The following ERGIC3 variants were observed in gnomAD, a reference collection of about 807,000 sequenced individuals.
ERGIC3 encodes ERGIC and golgi 3, also known as endoplasmic reticulum-Golgi intermediate compartment protein 3.
ERGIC3 carries 33 observed loss-of-function variants against 54.7 expected under a neutral mutation model. That is an observed-to-expected ratio of 0.60 (90% confidence interval 0.46 to 0.81). The LOEUF (loss-of-function observed/expected upper bound fraction) is 0.81, where lower values mean the gene tolerates loss of function less well. Ranked by LOEUF, ERGIC3 falls within the 30% of genes least tolerant of loss-of-function variation. ERGIC3 has a pLI of 0.00. For missense variants in ERGIC3, 399 were observed against 488.4 expected (o/e 0.82, Z 1.73); for synonymous variants, 186 against 189.8 (o/e 0.98, Z 0.16).
chr20:35,549,609 G>C (rs2064670750), intron 7 of ERGIC3: 1 of 170,000 alleles, frequency 5.9e-6, no homozygotes. Flanking sequence ...TTCATGATGG[G>C]TATTACATGC....
intron 7 of ERGIC3, among the ~76,000 whole-genome samples, chr20:35,552,913 C>T (rs2064688813): frequency 6.6e-6 from 1 of 151,096 alleles, no homozygotes; most frequent in Admixed American, 6.6e-5. Context: ...AGGCAGTTGC[C>T]CAAGCTGTTG....
At chr20:35,547,261 A>G in intron 4 of ERGIC3, 151 bp from the exon 5 acceptor site, 3 of 620,100 alleles carry the variant, frequency 4.8e-6, no homozygotes, top group Non-Finnish European at 8.8e-6. Context: ...TGTGTGTAGA[A>G]GTGCTTAATG....
At chr20:35,545,500 G>A (rs2064643955) in intron 4 of ERGIC3, 1 of 152,262 alleles carries the variant, frequency 6.6e-6, no homozygotes, top group Non-Finnish European at 1.5e-5. Context: ...CAGAGAGGCA[G>A]AGGTTGCAGT....
rs1568867752 is a variant in ERGIC3 at position 35,542,497 on chromosome 20, G to A, written c.160-16G>A. ...GAGGTTTGGGGCTAAGTCTTACTGA[G>A]GTAGCGCTGCCCCAGGTGCATCCTG... On this transcript the variant is annotated splice_polypyrimidine_tract_variant and intron_variant, in intron 2 of 12. Transcript: ENST00000348547. 6.2e-7 allele frequency: 1 copy of A among 1,613,986 alleles called. No homozygotes were observed. Among genetic ancestry groups the A allele is most frequent in the Non-Finnish European group, 8.5e-7 (1 of 1,179,996 alleles).
intron 7 of ERGIC3, among the ~76,000 whole-genome samples, chr20:35,554,626 T>C (rs1298736947): frequency 6.6e-6 from 1 of 152,204 alleles, no homozygotes; most frequent in African/African-American, 2.4e-5. Context: ...ATGGGATTTC[T>C]TCTGGGGAGC....
intron 7 of ERGIC3, among the ~76,000 whole-genome samples, chr20:35,553,020 A>AGTTTTTTTTTT (rs2064689668): frequency 2.4e-5 from 1 of 41,552 alleles, no homozygotes; most frequent in Non-Finnish European, 4.4e-5. Context: ...AAAGCTGGGG[A>AGTTTTTTTTTT]TTTTTTTTTT....
chr20:35,553,686 G>A (rs2064695187), intron 7 of ERGIC3, among the ~76,000 whole-genome samples: 1 of 152,146 alleles, frequency 6.6e-6, no homozygotes, highest in African/African-American at 2.4e-5. Context: ...GGGGGCTGGA[G>A]GACCCTGCAG....
chr20:35,553,913 G>A (rs1473921983), intron 7 of ERGIC3, among the ~76,000 whole-genome samples: 1 of 152,230 alleles, frequency 6.6e-6, no homozygotes, highest in Non-Finnish European at 1.5e-5. Context: ...AAATGCAAAG[G>A]TACAGTTGCC....
chr20:35,549,143 T>C, intron 7 of ERGIC3: 1 of 332,890 alleles, frequency 3.0e-6, no homozygotes, highest in Non-Finnish European at 5.6e-6. Context: ...TAAAATGTTG[T>C]GAGGGCACTT....
At chr20:35,542,459 G>A in intron 2 of ERGIC3, 54 bp from the exon 3 acceptor site, 2 of 1,613,782 alleles carry the variant, frequency 1.2e-6, no homozygotes, top group Non-Finnish European at 1.7e-6. Flanking sequence ...TTAGGGGTGG[G>A]AGTGGGGAAG....
At chr20:35,553,178 T>TTTC in intron 7 of ERGIC3, among the ~76,000 whole-genome samples, 1 of 146,642 alleles carries the variant, frequency 6.8e-6, no homozygotes, top group Admixed American at 6.8e-5. Flanking sequence ...CTAATTTTTT[T>TTTC]TTTTTTTTTT....
chr20:35,555,812 C>CA (rs60761936), intron 8 of ERGIC3, among the ~76,000 whole-genome samples: 2,198 of 80,322 alleles, frequency 0.027, 41 homozygotes, highest in African/African-American at 0.058. Flanking sequence ...GACCTTGTCT[C>CA]AAAAAAAAAA....
chr20:35,544,536 T>C, intron 4 of ERGIC3: 1 of 276,830 alleles, frequency 3.6e-6, no homozygotes. Context: ...CTTGATGAAC[T>C]TGAGGGCCCG....
At chr20:35,556,858 C>T in intron 10 of ERGIC3, 115 bp from the exon 11 acceptor site, 1 of 1,442,508 alleles carries the variant, frequency 6.9e-7, no homozygotes, top group South Asian at 1.2e-5. Flanking sequence ...GTGCTGTGTT[C>T]TCTCCTTACA....
At chr20:35,554,596 A>G (rs967510365) in intron 7 of ERGIC3, among the ~76,000 whole-genome samples, 1 of 152,202 alleles carries the variant, frequency 6.6e-6, no homozygotes, top group East Asian at 1.9e-4. Context: ...TTGTTCTGGA[A>G]CAGTTGGTAC....
chr20:35,549,142 G>GA (rs1452841559), intron 7 of ERGIC3: 540,726 of 541,620 alleles, frequency 1, 269,926 homozygotes, highest in Middle Eastern at 1. Context: ...ATAAAATGTT[G>GA]TGAGGGCACT....
intron 7 of ERGIC3, among the ~76,000 whole-genome samples, chr20:35,552,849 G>T (rs1194176822): frequency 1.3e-5 from 2 of 151,946 alleles, no homozygotes; most frequent in East Asian, 3.9e-4. Context: ...GATCATCTAC[G>T]TGGATATGGA....
In ERGIC3 at chr20:35,557,268, CTG is replaced by C; in HGVS notation, c.1072+22_1072+23del. 1 of 1,613,948 alleles carries C rather than the reference CTG, an allele frequency of 6.2e-7. No homozygotes were observed. The highest frequency in any genetic ancestry group is 1.3e-5 in the African/African-American group (1 of 75,004). The stretch of plus-strand genomic sequence containing the variant: ...TTCACAGGTAAGAGGCCCAGGGCGT[CTG>C]TGAGCTGTGGGGTGGGGAGGGTAAA... On this transcript the variant is annotated intron_variant, in intron 12 of 12. Coordinates refer to ENST00000348547, the MANE Select transcript of ERGIC3 (RefSeq NM_015966.3).
chr20:35,547,068 C>T (rs533951596), intron 4 of ERGIC3, among the ~76,000 whole-genome samples: 1 of 152,270 alleles, frequency 6.6e-6, no homozygotes, highest in Admixed American at 6.5e-5. Context: ...GGCAAAGTCA[C>T]TTCTCATCAG....
Sources: allele counts gnomAD v4.1 joint callset (sites outside exome capture counted in the v4.1 genomes callset), GRCh38; gene constraint gnomAD v4.1.1; transcripts MANE v1.5; gene names NCBI Gene and HGNC (gene_info 2026-07-23, HGNC 2026-07-21).